RAPGEF6: variants seen among roughly 807,000 people sequenced by gnomAD.
RAPGEF6 encodes the protein PDZ domain containing guanine nucleotide exchange factor (GEF) 2.
RAPGEF6 carries 56 observed loss-of-function variants against 171.4 expected under a neutral mutation model. The observed-to-expected ratio is 0.33, with a 90% CI of 0.26 to 0.41. The LOEUF (loss-of-function observed/expected upper bound fraction) is 0.41, where lower values mean the gene tolerates loss of function less well. Ranked by LOEUF, RAPGEF6 falls within the 10% of genes least tolerant of loss-of-function variation. The pLI, the probability that RAPGEF6 is intolerant of heterozygous loss-of-function variation, is 1.00. For synonymous variants in RAPGEF6, 692 were observed against 650.1 expected (o/e 1.06, Z -0.98); for missense variants, 1,674 against 1,921.4 (o/e 0.87, Z 2.41).
At position 131,578,080 on chromosome 5, in the gene RAPGEF6, T is replaced by C. The variant is rs563969892; in HGVS notation, c.281+14303A>G. Among the ~76,000 whole-genome samples, 7 of 152,310 alleles carry C rather than the reference T, an allele frequency of 4.6e-5. No individual in the cohort carries two copies. In the South Asian group the frequency reaches 1.4e-3, roughly 32 times the overall value. ...TTTTCCTCCGAACCATCGTAACTGA[T>C]TATCTTCTGGTTTTTCCTCAAACCG... On this transcript the variant is annotated intron_variant, in intron 4 of 27. Coordinates refer to ENST00000509018, the MANE Select transcript of RAPGEF6 (RefSeq NM_016340.6).
intron 7 of RAPGEF6, among the ~76,000 whole-genome samples, chr5:131,518,729 C>T (rs1758270071): frequency 1.3e-5 from 2 of 151,976 alleles, no homozygotes; most frequent in Admixed American, 1.3e-4. Context: ...TCTTTGACTA[C>T]TCTTAAAAAA....
rs542790589 is a variant in RAPGEF6, at chr5:131,553,469, C to T, written c.352-5279G>A. On this transcript the variant is annotated intron_variant, in intron 5 of 27. Transcript: ENST00000509018. ...ACAAAGCAATCAACAGAGCAGTCTA[C>T]AAGAATTAGAGTGGATCCAGATGCT... Among the ~76,000 whole-genome samples, 40 of 152,186 alleles carry T rather than the reference C, an allele frequency of 2.6e-4. 1 individual carries two copies. Among genetic ancestry groups the T allele is most frequent in the Middle Eastern group, 6.8e-3 (2 of 294 alleles).
intron 1 of RAPGEF6, among the ~76,000 whole-genome samples, chr5:131,620,085 T>G (rs527603278): frequency 5.3e-5 from 8 of 152,364 alleles, no homozygotes; most frequent in African/African-American, 1.9e-4. Flanking sequence ...CTGCGGCGGC[T>G]GCTTTTTTTC....
At chr5:131,613,367 G>A (rs1203878431) in intron 1 of RAPGEF6, among the ~76,000 whole-genome samples, 2 of 152,058 alleles carry the variant, frequency 1.3e-5, no homozygotes, top group African/African-American at 2.4e-5. Context: ...CTGAGATTGC[G>A]CCACTGCACT....
chr5:131,483,348 C>CA (rs10637299), intron 15 of RAPGEF6, among the ~76,000 whole-genome samples: 8,372 of 121,926 alleles, frequency 0.069, 600 homozygotes, highest in African/African-American at 0.16. Flanking sequence ...GACTCTGTCT[C>CA]AAAAAAAAAA....
chr5:131,537,672 C>A (rs911292613), intron 6 of RAPGEF6, among the ~76,000 whole-genome samples: 3 of 152,146 alleles, frequency 2.0e-5, no homozygotes, highest in African/African-American at 7.2e-5. Flanking sequence ...TCAGCATCAT[C>A]TAAATTAATT....
chr5:131,579,837 T>C (rs369662768), intron 4 of RAPGEF6, among the ~76,000 whole-genome samples: 72 of 152,312 alleles, frequency 4.7e-4, no homozygotes, highest in African/African-American at 1.7e-3. Flanking sequence ...CTAGATTAGC[T>C]AGATACAGAG....
intron 2 of RAPGEF6, 29 bp downstream of exon 2, chr5:131,604,594 T>C (rs1048742353): frequency 6.2e-7 from 1 of 1,604,754 alleles, no homozygotes; most frequent in Non-Finnish European, 8.5e-7. Flanking sequence ...CTATACAGCG[T>C]GTGCTCTTAA....
At chr5:131,519,439 T>C (rs1035355035) in intron 7 of RAPGEF6, among the ~76,000 whole-genome samples, 1 of 152,190 alleles carries the variant, frequency 6.6e-6, no homozygotes, top group African/African-American at 2.4e-5. Context: ...TCTTGCTCTG[T>C]CGGCCAGGCT....
At chr5:131,504,335 G>A (rs1178377096) in intron 11 of RAPGEF6, among the ~76,000 whole-genome samples, 6 of 152,044 alleles carry the variant, frequency 3.9e-5, no homozygotes, top group Admixed American at 2.6e-4. Flanking sequence ...GGTGGTGCAT[G>A]CCTGTAATCT....
intron 21 of RAPGEF6, among the ~76,000 whole-genome samples, chr5:131,449,488 T>A (rs184398894): frequency 6.6e-6 from 1 of 152,298 alleles, no homozygotes; most frequent in Admixed American, 6.5e-5. Flanking sequence ...TTCACAAACA[T>A]CTTTCATTCA....
intron 19 of RAPGEF6, among the ~76,000 whole-genome samples, chr5:131,456,930 T>C (rs909474898): frequency 1.3e-5 from 2 of 152,108 alleles, no homozygotes; most frequent in African/African-American, 4.8e-5. Flanking sequence ...TGTCAAAAAA[T>C]AGTCGAGGTC....
chr5:131,536,935 G>C (rs1040517658), intron 6 of RAPGEF6, among the ~76,000 whole-genome samples: 5 of 152,078 alleles, frequency 3.3e-5, no homozygotes, highest in African/African-American at 1.2e-4. Flanking sequence ...TGTTCATAAA[G>C]ATGACCATTA....
chr5:131,446,746 G>C (rs779141030), intron 21 of RAPGEF6, 43 bp from the exon 22 acceptor site: 35 of 1,518,674 alleles, frequency 2.3e-5, no homozygotes, highest in Non-Finnish European at 2.9e-5. Context: ...ATAGAGATGA[G>C]AACTAAGCAT....
Position 131,603,287 on chromosome 5 carries a change from T to A in RAPGEF6, c.181A>T (p.Asn61Tyr). ...ARARYERYSG[N>Y]QVLFCSETIA... ...AATACTTACCAAAAGAGAACCTGATTGCCACTGTATCTCTCATAGCGTGCT... is the reference window on the plus strand; with the variant it reads ...AATACTTACCAAAAGAGAACCTGATAGCCACTGTATCTCTCATAGCGTGCT... The change falls in exon 3 of 28, where the codon AAT becomes TAT. Residue 61 changes from asparagine (N) to tyrosine (Y), a missense_variant. Asn to Tyr is a moderately radical substitution (Grantham distance 143). Around this residue, in one of 3 missense-constraint regions of RAPGEF6, gnomAD observed 1,116 missense variants for 1,321.5 expected, o/e 0.84. Transcript: ENST00000509018. 1 of 1,584,760 alleles carries A rather than the reference T, an allele frequency of 6.3e-7. No individual in the cohort carries two copies. Among genetic ancestry groups the A allele is most frequent in the Non-Finnish European group, 8.6e-7 (1 of 1,167,878 alleles).
rs1335361166 is a variant in RAPGEF6, at chr5:131,431,151, G to A, written c.4173C>T (p.Tyr1391=). ...TGGGGTCATCCAAATGGGTATGTCT[G>A]TAAGAGTTCAAAAAATCCCAGCTTT... is the stretch of plus-strand genomic sequence containing the variant. ...NPKSWDFLNS[Y]RHTHLDDPIA... is the part of the protein sequence containing the mutation. Residue 1391 remains tyrosine, a synonymous_variant, in exon 26 of 28, where the codon TAC becomes TAT. Coordinates refer to ENST00000509018, the MANE Select transcript of RAPGEF6 (RefSeq NM_016340.6). 1.9e-6 allele frequency: 3 copies of A among 1,614,084 alleles called. No individual in the cohort carries two copies. The highest frequency in any genetic ancestry group is 2.2e-5 in the East Asian group (1 of 44,900).
intron 21 of RAPGEF6, 55 bp downstream of exon 21, chr5:131,452,999 T>G: frequency 6.5e-7 from 1 of 1,539,922 alleles, no homozygotes; most frequent in South Asian, 1.3e-5. Context: ...AATATTTTAA[T>G]TATTACATCA....
intron 26 of RAPGEF6, among the ~76,000 whole-genome samples, chr5:131,429,712 G>A (rs987816581): frequency 6.6e-6 from 1 of 152,128 alleles, no homozygotes; most frequent in Non-Finnish European, 1.5e-5. Context: ...CTCAGTCCTA[G>A]CATATAAACT....
chr5:131,456,219 C>T (rs1269647236), intron 19 of RAPGEF6, among the ~76,000 whole-genome samples: 1 of 152,082 alleles, frequency 6.6e-6, no homozygotes, highest in Non-Finnish European at 1.5e-5. Flanking sequence ...ATAATGCTTG[C>T]CTATAGTTCT....
Sources: gnomAD v4.1 joint callset for allele counts (sites outside exome capture counted in the v4.1 genomes callset) on GRCh38, gnomAD v4.1.1 for gene constraint, gnomAD v4.1.1 regional missense constraint, MANE v1.5 for transcripts, NCBI Gene and HGNC (gene_info 2026-07-23, HGNC 2026-07-21) for gene names.